The following ZNF676 variants were observed in gnomAD, a reference collection of about 807,000 sequenced individuals.
The protein encoded by ZNF676 is zinc finger protein 676.
In ZNF676, 4 loss-of-function variants were observed where a neutral mutation model predicts 6.0. That is an observed-to-expected ratio of 0.67 (90% CI 0.33 to 1.53). ZNF676 has a LOEUF of 1.53. ZNF676 is among the 40% of genes most tolerant of loss of function. The pLI is 0.06. For synonymous variants in ZNF676, 198 were observed against 223.1 expected (o/e 0.89, Z 1.00); for missense variants, 644 against 679.7 (o/e 0.95, Z 0.58).
rs182313708 is a variant in ZNF676 at position 22,186,044 on chromosome 19, C to A, written c.131-4458G>T. On this transcript the variant is annotated intron_variant, in intron 2 of 2. Transcript: ENST00000397121. ...AAATACAGAGAACACCACAAAGATG[C>A]TCCTCAAGAATAGCAACCCCAAGAG... 3.3e-5 allele frequency among the ~76,000 whole-genome samples: 5 copies of A among 152,154 alleles called. No homozygotes were observed. The East Asian group carries it at 9.7e-4, about 29-fold the overall frequency.
At chr19:22,245,506 C>CGGG in the ZNF676 span, among the ~76,000 whole-genome samples, 1 of 314 alleles carries the variant, frequency 3.2e-3, no homozygotes, top group Non-Finnish European at 0.029. Context: ...GTCACAATGC[C>CGGG]CCCCCCCCCA....
the ZNF676 span, among the ~76,000 whole-genome samples, chr19:22,248,356 C>T: frequency 6.6e-6 from 1 of 152,160 alleles, no homozygotes; most frequent in Non-Finnish European, 1.5e-5. Flanking sequence ...GTTTACAGTC[C>T]CACCAACAGT....
chr19:22,199,991 G>T (rs1332238592), upstream of ZNF676, among the ~76,000 whole-genome samples: 1 of 152,006 alleles, frequency 6.6e-6, no homozygotes, highest in Non-Finnish European at 1.5e-5. Flanking sequence ...TCAGTTCTTT[G>T]AGGCAAGACT....
chr19:22,183,070 T>C (rs2023783255), intron 2 of ZNF676, among the ~76,000 whole-genome samples: 1 of 152,086 alleles, frequency 6.6e-6, no homozygotes, highest in Non-Finnish European at 1.5e-5. Flanking sequence ...GATTAAAATA[T>C]ATTGTTTTAT....
At chr19:22,197,121 G>A (rs1271225126), upstream of ZNF676, among the ~76,000 whole-genome samples, 4 of 151,902 alleles carry the variant, frequency 2.6e-5, no homozygotes, top group Admixed American at 6.6e-5. Context: ...TTGGGAGTTC[G>A]AGACCAGCCT....
intron 2 of ZNF676, among the ~76,000 whole-genome samples, chr19:22,192,223 A>G (rs2023917203): frequency 6.6e-6 from 1 of 152,194 alleles, no homozygotes; most frequent in Non-Finnish European, 1.5e-5. Flanking sequence ...CTTATTTACA[A>G]TAGCACTAAA....
At chr19:22,191,470 C>T (rs1252135344) in intron 2 of ZNF676, among the ~76,000 whole-genome samples, 2 of 152,272 alleles carry the variant, frequency 1.3e-5, no homozygotes, top group South Asian at 4.1e-4. Context: ...TCCTTACTGT[C>T]GTCCCAATAG....
the ZNF676 span, among the ~76,000 whole-genome samples, chr19:22,260,136 T>A: frequency 6.6e-6 from 1 of 152,064 alleles, no homozygotes; most frequent in African/African-American, 2.4e-5. Flanking sequence ...CCGGCCAGAT[T>A]CCCCAAAGTC....
chr19:22,184,663 G>A (rs1475484686), intron 2 of ZNF676, among the ~76,000 whole-genome samples: 4 of 151,948 alleles, frequency 2.6e-5, no homozygotes, highest in African/African-American at 7.2e-5. Flanking sequence ...CTTGACCTGG[G>A]AAGCTCGAGC....
chr19:22,255,628 A>C, the ZNF676 span, among the ~76,000 whole-genome samples: 14 of 152,004 alleles, frequency 9.2e-5, no homozygotes, highest in African/African-American at 3.4e-4. Flanking sequence ...GGTGAATCAC[A>C]AAGTCAGGAG....
rs545748223 is a variant in ZNF676 at position 22,210,484 on chromosome 19, A to C, written c.3+5148T>G. 3.2e-3 allele frequency among the ~76,000 whole-genome samples: 492 copies of C among 152,344 alleles called. 6 individuals are homozygous for C. Among genetic ancestry groups the C allele is most frequent in the African/African-American group, 0.011 (442 of 41,570 alleles). On this transcript the variant is annotated intron_variant, in intron 1 of 3. Coordinates refer to the ZNF676 transcript ENST00000650058. ...AGAACACTGTAGTTATATTCACTGG[A>C]TTCAAATAAAATATACAACCCCCAA...
intron 1 of ZNF676, among the ~76,000 whole-genome samples, chr19:22,214,304 C>G (rs2024161390): frequency 6.6e-6 from 1 of 152,092 alleles, no homozygotes; most frequent in Admixed American, 6.6e-5. Flanking sequence ...GCTTTATTTC[C>G]TAATTTCTAC....
At chr19:22,193,644 G>T (rs936657813) in intron 1 of ZNF676, among the ~76,000 whole-genome samples, 1 of 152,140 alleles carries the variant, frequency 6.6e-6, no homozygotes, top group African/African-American at 2.4e-5. Context: ...GGAAAAAGGA[G>T]AGGAGAATTG....
At chr19:22,234,715 C>T in the ZNF676 span, among the ~76,000 whole-genome samples, 6 of 152,086 alleles carry the variant, frequency 3.9e-5, no homozygotes, top group African/African-American at 1.4e-4. Context: ...AAACAGATCA[C>T]CTGAGGTCAG....
rs77996668 is a variant in ZNF676, at chr19:22,193,712, T to C, written c.35-601A>G. 2.0e-4 allele frequency among the ~76,000 whole-genome samples: 31 copies of C among 152,282 alleles called. No individual in the cohort carries two copies. In the East Asian group the frequency reaches 4.8e-3, roughly 24 times the overall value. On this transcript the variant is annotated intron_variant, in intron 1 of 2. Transcript: ENST00000397121. ...AAACTCCCATACAAAAAATTTTGCA[T>C]GCTGATGCTGCGGCTAGGGAACCTT...
At chr19:22,257,260 C>T in the ZNF676 span, among the ~76,000 whole-genome samples, 1,308 of 152,172 alleles carry the variant, frequency 8.6e-3, 16 homozygotes, top group African/African-American at 0.029. Flanking sequence ...ACAATCTTCC[C>T]TGAGGGTAGA....
At chr19:22,196,577 T>C in intron 1 of ZNF676, 23 bp downstream of exon 1, 5 of 1,613,566 alleles carry the variant, frequency 3.1e-6, no homozygotes, top group South Asian at 1.1e-5. Context: ...ATACTAGGAA[T>C]TGCGTATTAA....
chr19:22,195,475 T>A (rs1169068808), intron 1 of ZNF676, among the ~76,000 whole-genome samples: 1 of 152,190 alleles, frequency 6.6e-6, no homozygotes, highest in East Asian at 1.9e-4. Context: ...GCATGATAAT[T>A]TTTGCTATTG....
chr19:22,238,235 A>G, the ZNF676 span, among the ~76,000 whole-genome samples: 2 of 152,088 alleles, frequency 1.3e-5, no homozygotes, highest in Admixed American at 1.3e-4. Context: ...TATTTTCAGT[A>G]GAGAGGGGGT....
Sources: allele counts gnomAD v4.1 joint callset (sites outside exome capture counted in the v4.1 genomes callset), GRCh38; gene constraint gnomAD v4.1.1; transcripts MANE v1.5; gene names NCBI Gene and HGNC (gene_info 2026-07-23, HGNC 2026-07-21).